Variants in CSNK2A2IP observed in about 807,000 individuals in gnomAD.
CSNK2A2IP encodes casein kinase II subunit alpha'-interacting protein.
the CSNK2A2IP span, among the ~76,000 whole-genome samples, chr3:88,442,727 G>A: frequency 2.6e-5 from 4 of 151,772 alleles, no homozygotes; most frequent in African/African-American, 9.7e-5. Context: ...AAACAACAGA[G>A]TTGAGCTTGT....
At chr3:88,355,904 C>T in the CSNK2A2IP span, among the ~76,000 whole-genome samples, 2 of 152,010 alleles carry the variant, frequency 1.3e-5, no homozygotes, top group African/African-American at 2.4e-5. Context: ...TATTATGTTG[C>T]TTGAAATTGT....
the CSNK2A2IP span, among the ~76,000 whole-genome samples, chr3:88,399,441 C>A: frequency 6.6e-6 from 1 of 152,202 alleles, no homozygotes; most frequent in Admixed American, 6.5e-5. Flanking sequence ...TCTGCTCCTG[C>A]ATCCAAAGGT....
At chr3:88,396,138 G>A in the CSNK2A2IP span, among the ~76,000 whole-genome samples, 4 of 134,792 alleles carry the variant, frequency 3.0e-5, no homozygotes, top group Admixed American at 8.4e-5. Flanking sequence ...ACGGAGTCTC[G>A]CTGTCGCCCA....
the CSNK2A2IP span, chr3:88,465,061 G>A: frequency 4.1e-6 from 1 of 242,206 alleles, no homozygotes. Flanking sequence ...GACCTCTTCT[G>A]ACCTCTCCTT....
the CSNK2A2IP span, among the ~76,000 whole-genome samples, chr3:88,425,824 A>C: frequency 2.6e-5 from 4 of 151,984 alleles, no homozygotes; most frequent in African/African-American, 9.7e-5. Context: ...ACTCCAAACG[A>C]GTTTTCTGAC....
At chr3:88,459,020 C>A in the CSNK2A2IP span, among the ~76,000 whole-genome samples, 3 of 152,026 alleles carry the variant, frequency 2.0e-5, no homozygotes. Context: ...ATTTTGTATA[C>A]CCTTACTGAT....
the CSNK2A2IP span, among the ~76,000 whole-genome samples, chr3:88,453,397 A>G: frequency 6.6e-6 from 1 of 152,158 alleles, no homozygotes; most frequent in Admixed American, 6.6e-5. Flanking sequence ...ACAATTTTAT[A>G]TTGCATATTC....
At chr3:88,415,429 T>C in the CSNK2A2IP span, among the ~76,000 whole-genome samples, 1 of 152,016 alleles carries the variant, frequency 6.6e-6, no homozygotes, top group South Asian at 2.1e-4. Flanking sequence ...AGAAATAGAC[T>C]GGTGTAGCGG....
the CSNK2A2IP span, among the ~76,000 whole-genome samples, chr3:88,418,005 A>G: frequency 6.6e-6 from 1 of 152,208 alleles, no homozygotes; most frequent in Non-Finnish European, 1.5e-5. Context: ...TAATCACAGC[A>G]TCTTTATGAT....
chr3:88,401,483 A>C, the CSNK2A2IP span, among the ~76,000 whole-genome samples: 1 of 152,098 alleles, frequency 6.6e-6, no homozygotes, highest in Admixed American at 6.6e-5. Flanking sequence ...ACAAAAACTT[A>C]CCTTCTAGGG....
the CSNK2A2IP span, among the ~76,000 whole-genome samples, chr3:88,462,990 A>T: frequency 6.6e-6 from 1 of 152,248 alleles, no homozygotes; most frequent in Non-Finnish European, 1.5e-5. Context: ...TTATGGTACT[A>T]ATAAGATATA....
At chr3:88,447,453 C>T in the CSNK2A2IP span, among the ~76,000 whole-genome samples, 2,075 of 152,082 alleles carry the variant, frequency 0.014, 40 homozygotes, top group African/African-American at 0.048. Context: ...ATAATTCTAA[C>T]TGTAGAAACT....
chr3:88,443,882 T>C, the CSNK2A2IP span, among the ~76,000 whole-genome samples: 9 of 89,132 alleles, frequency 1.0e-4, no homozygotes, highest in South Asian at 4.0e-3. Flanking sequence ...CATTTGGAAA[T>C]TAGAGTAATA....
At chr3:88,378,470 T>A in the CSNK2A2IP span, among the ~76,000 whole-genome samples, 3 of 152,102 alleles carry the variant, frequency 2.0e-5, no homozygotes, top group South Asian at 6.2e-4. Context: ...GAAAATGAAC[T>A]GTTCAATACT....
chr3:88,395,227 T>C, the CSNK2A2IP span, among the ~76,000 whole-genome samples: 1 of 152,236 alleles, frequency 6.6e-6, no homozygotes, highest in Non-Finnish European at 1.5e-5. Flanking sequence ...TCAATTTTTA[T>C]GGTGTTTCCT....
the CSNK2A2IP span, among the ~76,000 whole-genome samples, chr3:88,400,788 T>C: frequency 2.4e-4 from 37 of 152,190 alleles, no homozygotes; most frequent in Non-Finnish European, 4.4e-4. Context: ...AAATGGAAGA[T>C]AATAAATTTG....
At chr3:88,432,320 A>G in the CSNK2A2IP span, among the ~76,000 whole-genome samples, 48 of 152,044 alleles carry the variant, frequency 3.2e-4, no homozygotes, top group African/African-American at 1.2e-3. Flanking sequence ...ATTGATATCT[A>G]TTTTACTCAA....
chr3:88,430,885 C>A, the CSNK2A2IP span, among the ~76,000 whole-genome samples: 2 of 151,994 alleles, frequency 1.3e-5, no homozygotes, highest in Non-Finnish European at 2.9e-5. Flanking sequence ...AAGAGAAAAT[C>A]CAAAAACTTC....
At chr3:88,372,687 T>G in the CSNK2A2IP span, among the ~76,000 whole-genome samples, 2 of 151,404 alleles carry the variant, frequency 1.3e-5, no homozygotes, top group East Asian at 1.9e-4. Flanking sequence ...TCACAATAGA[T>G]AAAAAAAGCA....
Sources: allele counts gnomAD v4.1 joint callset (sites outside exome capture counted in the v4.1 genomes callset), GRCh38; gene constraint gnomAD v4.1.1; transcripts MANE v1.5; gene names NCBI Gene and HGNC (gene_info 2026-07-23, HGNC 2026-07-21).